Variants in FNBP1 observed in about 807,000 individuals in gnomAD.
The protein encoded by FNBP1 is formin binding protein 1, also known as formin-binding protein 1.
FNBP1 carries 26 observed loss-of-function variants against 90.6 expected under a neutral mutation model. The observed-to-expected ratio is 0.29, with a 90% CI of 0.21 to 0.40. The LOEUF (loss-of-function observed/expected upper bound fraction) is 0.40. Ranked by LOEUF, FNBP1 falls within the 10% of genes least tolerant of loss-of-function variation. The pLI, the probability that FNBP1 is intolerant of heterozygous loss-of-function variation, is 1.00. For synonymous variants in FNBP1, 260 were observed against 265.2 expected, an observed-to-expected ratio of 0.98 and a Z score of 0.19; for missense variants, 635 against 768.0, an observed-to-expected ratio of 0.83 and a Z score of 2.05.
At chr9:129,945,427 A>G (rs1303487866) in intron 6 of FNBP1, among the ~76,000 whole-genome samples, 1 of 152,226 alleles carries the variant, frequency 6.6e-6, no homozygotes. Context: ...ATTCCTTCAG[A>G]TGACTACAGT....
intron 2 of FNBP1, among the ~76,000 whole-genome samples, chr9:129,990,932 GTTTTTTT>G (rs35179648): frequency 7.7e-6 from 1 of 130,006 alleles, no homozygotes; most frequent in Non-Finnish European, 1.6e-5. Flanking sequence ...TGACACCAGG[GTTTTTTT>G]TTTTTTTTTT....
rs554007500 is a variant in FNBP1 at position 129,935,162 on chromosome 9, T to TA, written c.514-5468dup. Among the ~76,000 whole-genome samples the TA allele has an allele frequency of 9.8e-3, 1,464 of 149,822 alleles. 8 individuals are homozygous for TA. Among genetic ancestry groups the TA allele is most frequent in the Non-Finnish European group, 0.018 (1,207 of 67,406 alleles). ...TTTTTAAGACAGGGTCTCCCTCTGT[T>TA]ACCCAGACTGGAGTGCAGTGGCACC... is the stretch of plus-strand genomic sequence containing the variant. On this transcript the variant is annotated intron_variant, in intron 6 of 16. Coordinates refer to ENST00000446176, the MANE Select transcript of FNBP1 (RefSeq NM_015033.3).
intron 4 of FNBP1, among the ~76,000 whole-genome samples, chr9:129,959,343 C>A (rs1375081222): frequency 1.3e-5 from 2 of 152,046 alleles, no homozygotes; most frequent in African/African-American, 4.8e-5. Context: ...GTAATCCCAG[C>A]ACTTTGGGAG....
chr9:129,909,310 T>C (rs2131546041), intron 11 of FNBP1, among the ~76,000 whole-genome samples: 1 of 152,336 alleles, frequency 6.6e-6, no homozygotes, highest in South Asian at 2.1e-4. Context: ...AAACACATTT[T>C]GAGACAGTCT....
intron 1 of FNBP1, among the ~76,000 whole-genome samples, chr9:130,039,764 TC>T (rs1013820006): frequency 9.9e-5 from 15 of 152,030 alleles, no homozygotes; most frequent in African/African-American, 3.4e-4. Context: ...TTTTACTCCC[TC>T]TACAAAGCAG....
intron 6 of FNBP1, among the ~76,000 whole-genome samples, chr9:129,949,565 T>C (rs2132560628): frequency 6.6e-6 from 1 of 152,118 alleles, no homozygotes; most frequent in African/African-American, 2.4e-5. Flanking sequence ...ATGGAGGTGA[T>C]TTGAACACAG....
At chr9:129,996,118 A>G (rs1275482580) in intron 1 of FNBP1, among the ~76,000 whole-genome samples, 1 of 152,178 alleles carries the variant, frequency 6.6e-6, no homozygotes, top group Non-Finnish European at 1.5e-5. Flanking sequence ...GATAAGAAAG[A>G]GCTACAGTTT....
chr9:130,043,453 G>A (rs968232799), upstream of FNBP1, among the ~76,000 whole-genome samples: 4 of 152,268 alleles, frequency 2.6e-5, no homozygotes, highest in Non-Finnish European at 4.4e-5. Context: ...TCTGCTCGCA[G>A]TACTAGCGCT....
At chr9:129,988,669 T>C (rs947727108) in intron 2 of FNBP1, among the ~76,000 whole-genome samples, 2 of 151,970 alleles carry the variant, frequency 1.3e-5, no homozygotes, top group Non-Finnish European at 2.9e-5. Context: ...AGAGCGAGAC[T>C]CCATCTCGAA....
chr9:129,958,985 C>CAAAAAAAAAAAAAAAAAGAAAAAA (rs2047368172), intron 4 of FNBP1, among the ~76,000 whole-genome samples: 1 of 9,154 alleles, frequency 1.1e-4, no homozygotes, highest in Non-Finnish European at 1.9e-4. Context: ...AACTCTGCCT[C>CAAAAAAAAAAAAAAAAAGAAAAAA]AAAAAAAAAA....
At chr9:129,899,756 AGGAAGGGAAGGAAGGGAAGGGAG>A in intron 15 of FNBP1, among the ~76,000 whole-genome samples, 186 bp downstream of exon 15, 1 of 135,240 alleles carries the variant, frequency 7.4e-6, no homozygotes, top group Non-Finnish European at 1.6e-5. Flanking sequence ...AAGGAAGGGA[AGGAAGGGAAGGAAGGGAAGGGAG>A]GGAAGGGAAG....
intron 6 of FNBP1, among the ~76,000 whole-genome samples, chr9:129,932,621 G>A (rs1310074754): frequency 1.3e-5 from 2 of 151,978 alleles, no homozygotes; most frequent in African/African-American, 4.8e-5. Flanking sequence ...AAGGCCTTTG[G>A]ATCTGTCGGT....
chr9:129,988,448 G>A (rs2131150179), intron 2 of FNBP1, among the ~76,000 whole-genome samples: 1 of 152,250 alleles, frequency 6.6e-6, no homozygotes, highest in Non-Finnish European at 1.5e-5. Context: ...GGAGGCCGAG[G>A]CAGGTGGATC....
At chr9:129,947,966 C>T (rs1464521725) in intron 6 of FNBP1, among the ~76,000 whole-genome samples, 1 of 147,114 alleles carries the variant, frequency 6.8e-6, no homozygotes, top group Non-Finnish European at 1.5e-5. Flanking sequence ...CATAATTCTA[C>T]TAGAATTCCC....
intron 12 of FNBP1, among the ~76,000 whole-genome samples, chr9:129,905,975 C>G (rs1180961169): frequency 6.6e-6 from 1 of 151,802 alleles, no homozygotes; most frequent in African/African-American, 2.4e-5. Context: ...CCTCTGCCTC[C>G]TGGGTTCAAG....
chr9:129,947,266 TC>T (rs2045438570), intron 6 of FNBP1, among the ~76,000 whole-genome samples: 3 of 151,622 alleles, frequency 2.0e-5, no homozygotes, highest in African/African-American at 7.3e-5. Context: ...CATGGTGAAA[TC>T]CCGTCTCTAC....
At chr9:129,960,600 C>T (rs922024533) in intron 4 of FNBP1, among the ~76,000 whole-genome samples, 2 of 151,910 alleles carry the variant, frequency 1.3e-5, no homozygotes, top group South Asian at 4.1e-4. Context: ...CTGGAGGAGC[C>T]TCGGGGAGAA....
intron 1 of FNBP1, among the ~76,000 whole-genome samples, chr9:130,027,032 T>C (rs960823385): frequency 6.6e-6 from 1 of 151,878 alleles, no homozygotes; most frequent in African/African-American, 2.4e-5. Context: ...CTGAAGTAGA[T>C]TGGCATGGCT....
Position 129,960,338 on chromosome 9 carries a change from C to T in FNBP1, c.346-1785G>A, listed in dbSNP as rs555205371. Among the ~76,000 whole-genome samples, 22 of 137,642 alleles carry T rather than the reference C, an allele frequency of 1.6e-4. No individual in the cohort carries two copies. The South Asian group carries it at 4.0e-3, about 25-fold the overall frequency. 90.3% of individuals were successfully genotyped at this position (137,642 alleles called of 152,430 possible). A position where few individuals can be genotyped will look rare whatever the true frequency, so the allele number is the denominator to read the frequency against. On this transcript the variant is annotated intron_variant, in intron 4 of 16. Coordinates refer to ENST00000446176, the MANE Select transcript of FNBP1 (RefSeq NM_015033.3). ...AGGTTGCACTGCACTGAGCCGAGAT[C>T]GCGCTGCTGTACTCCAGCCTGGGTG...
Sources: allele counts gnomAD v4.1 joint callset (sites outside exome capture counted in the v4.1 genomes callset), GRCh38; gene constraint gnomAD v4.1.1; transcripts MANE v1.5; gene names NCBI Gene and HGNC (gene_info 2026-07-23, HGNC 2026-07-21).